The following CRYBG1 variants were observed in gnomAD, a reference collection of about 807,000 sequenced individuals.
The protein encoded by CRYBG1 is crystallin beta-gamma domain containing 1, also known as beta/gamma crystallin domain-containing protein 1.
A neutral mutation model predicts 189.2 loss-of-function variants in CRYBG1; 139 were observed. The ratio of observed to expected loss-of-function variants is 0.73; its 90% CI spans 0.64 to 0.85. The LOEUF is 0.85. CRYBG1 is among the 40% of genes least tolerant of loss of function. CRYBG1 has a pLI of 0.00. For synonymous variants in CRYBG1, 1,023 were observed against 1,017.1 expected (o/e 1.01, Z -0.11); for missense variants, 2,611 against 2,675.8 (o/e 0.98, Z 0.53).
chr6:106,369,820 C>T (rs1769979042), intron 1 of CRYBG1, among the ~76,000 whole-genome samples: 1 of 152,148 alleles, frequency 6.6e-6, no homozygotes, highest in Non-Finnish European at 1.5e-5. Context: ...TAACTTTCCT[C>T]AGAGGTAGGC....
At chr6:106,504,948 T>TA (rs200318829) in intron 2 of CRYBG1, among the ~76,000 whole-genome samples, 7,748 of 145,176 alleles carry the variant, frequency 0.053, 247 homozygotes, top group Middle Eastern at 0.15. Context: ...TGGAAGTTAT[T>TA]AAAAAAAAAA....
At chr6:106,564,507 C>G (rs9386568) in intron 21 of CRYBG1, among the ~76,000 whole-genome samples, 143,619 of 152,250 alleles carry the variant, frequency 0.94, 68,287 homozygotes, top group East Asian at 1. Flanking sequence ...ATAAATTTAG[C>G]GTGGTTGTCC....
At chr6:106,458,859 TC>T (rs775290473) in intron 2 of CRYBG1, among the ~76,000 whole-genome samples, 105 of 152,272 alleles carry the variant, frequency 6.9e-4, no homozygotes, top group Non-Finnish European at 1.1e-3. Context: ...CAGTTCACTG[TC>T]CCCAGAAAAA....
At chr6:106,552,573 ACT>A (rs1244911157) in intron 15 of CRYBG1, among the ~76,000 whole-genome samples, 2 of 109,752 alleles carry the variant, frequency 1.8e-5, no homozygotes, top group African/African-American at 3.8e-5. Flanking sequence ...AGTGACAGAG[ACT>A]CTGTCTCAAA....
rs547081388 is a variant in CRYBG1, at chr6:106,431,077, G to A, written c.174-20617G>A. 2.6e-5 allele frequency among the ~76,000 whole-genome samples: 4 copies of A among 152,148 alleles called. No homozygotes were observed. In the South Asian group the frequency reaches 8.3e-4, roughly 32 times the overall value. ...GGGTTTCACCATGTCAGCCAGGCTG[G>A]TCTCAAACTCCTGACCTCAAGTGAT... On this transcript the variant is annotated intron_variant, in intron 1 of 21. Transcript: ENST00000633556.
At position 106,521,274 on chromosome 6, in the gene CRYBG1, T is replaced by G; in HGVS notation, c.4066T>G (p.Phe1356Val). 2 of 1,613,860 alleles carry G rather than the reference T, an allele frequency of 1.2e-6. No individual in the cohort carries two copies. Among genetic ancestry groups the G allele is most frequent in the Non-Finnish European group, 1.7e-6 (2 of 1,179,968 alleles). ...RSNLHLPETK[F>V]SELSKLKNDD... is the part of the protein sequence containing the mutation. The stretch of plus-strand genomic sequence containing the variant: ...CAACCTACACTTGCCAGAAACTAAA[T>G]TTTCTGAATTGTCAAAACTGAAGAA... The change falls in exon 4 of 22, where the codon TTT becomes GTT. Residue 1356 changes from phenylalanine (F) to valine (V), a missense_variant. By Grantham distance (50) the Phe-to-Val change is conservative. Transcript: ENST00000633556.
intron 13 of CRYBG1, among the ~76,000 whole-genome samples, chr6:106,545,418 G>T (rs940773685): frequency 1.3e-5 from 2 of 152,200 alleles, no homozygotes; most frequent in African/African-American, 4.8e-5. Flanking sequence ...AGTTTTTATT[G>T]AAAGATGTTT....
chr6:106,554,015 A>G (rs1468962191), intron 16 of CRYBG1, among the ~76,000 whole-genome samples: 10 of 152,144 alleles, frequency 6.6e-5, no homozygotes, highest in Non-Finnish European at 2.9e-5. Context: ...GGAGAAGCAA[A>G]GCTGAGCACA....
intron 2 of CRYBG1, among the ~76,000 whole-genome samples, chr6:106,484,557 C>T (rs1177372784): frequency 1.3e-5 from 2 of 152,126 alleles, no homozygotes; most frequent in Admixed American, 6.5e-5. Flanking sequence ...TGGCCTTGAG[C>T]GATCTTCCTG....
intron 2 of CRYBG1, among the ~76,000 whole-genome samples, chr6:106,485,616 G>A (rs921399284): frequency 6.6e-6 from 1 of 152,144 alleles, no homozygotes; most frequent in Non-Finnish European, 1.5e-5. Flanking sequence ...TCAACTGTGG[G>A]TTTGTAATAT....
rs867712379 is a variant in CRYBG1, at chr6:106,520,438, T to C, written c.3230T>C (p.Val1077Ala). 15 of 1,614,152 alleles carry C rather than the reference T, an allele frequency of 9.3e-6. No individual in the cohort carries two copies. The highest frequency in any genetic ancestry group is 1.3e-5 in the Non-Finnish European group (15 of 1,180,022). ...LATPQRPDQT[V>A]TNGQDSPASL... ...ACTCCTCAAAGGCCAGATCAGACTG[T>C]TACAAATGGCCAGGATAGCCCTGCC... Residue 1077 changes from valine to alanine, a missense_variant, in exon 4 of 22, where the codon GTT becomes GCT. By Grantham distance (64) the Val-to-Ala change is moderately conservative. This residue lies in a region of CRYBG1 where 1,622 missense variants were observed against 1,735.0 expected (regional missense o/e 0.93). Transcript: ENST00000633556.
At chr6:106,381,378 G>A (rs1322702242) in intron 1 of CRYBG1, among the ~76,000 whole-genome samples, 1 of 152,058 alleles carries the variant, frequency 6.6e-6, no homozygotes, top group Non-Finnish European at 1.5e-5. Context: ...GTTACCTTAG[G>A]TAAAGCATTT....
At chr6:106,403,943 G>A (rs189613543) in intron 1 of CRYBG1, among the ~76,000 whole-genome samples, 1 of 152,384 alleles carries the variant, frequency 6.6e-6, no homozygotes, top group African/African-American at 2.4e-5. Context: ...ATGAGAGAAT[G>A]TGAAGTGTAG....
intron 8 of CRYBG1, among the ~76,000 whole-genome samples, chr6:106,533,013 C>T (rs1380515186): frequency 6.6e-6 from 1 of 152,202 alleles, no homozygotes; most frequent in Non-Finnish European, 1.5e-5. Context: ...AAAATGATGT[C>T]CCCATTCTCC....
At chr6:106,453,251 G>C (rs1253881128) in intron 2 of CRYBG1, among the ~76,000 whole-genome samples, 1 of 152,112 alleles carries the variant, frequency 6.6e-6, no homozygotes, top group Non-Finnish European at 1.5e-5. Flanking sequence ...GACATGAAGA[G>C]ATTATTAGCT....
intron 1 of CRYBG1, among the ~76,000 whole-genome samples, chr6:106,372,747 A>G (rs1413327125): frequency 1.3e-5 from 2 of 152,216 alleles, no homozygotes; most frequent in African/African-American, 4.8e-5. Flanking sequence ...TCAATTGTGT[A>G]TAAGACAAGG....
intron 2 of CRYBG1, among the ~76,000 whole-genome samples, chr6:106,460,755 C>T (rs926814251): frequency 6.6e-6 from 1 of 152,124 alleles, no homozygotes; most frequent in South Asian, 2.1e-4. Context: ...CAGTTCTGCT[C>T]CTGCGACTTT....
intron 2 of CRYBG1, 57 bp from the exon 3 acceptor site, chr6:106,511,373 T>TA (rs1180484559): frequency 7.0e-7 from 1 of 1,423,800 alleles, no homozygotes; most frequent in African/African-American, 1.4e-5. Flanking sequence ...AATGTACGTC[T>TA]AAGGGGAAAA....
At chr6:106,481,458 A>G (rs566205891) in intron 2 of CRYBG1, among the ~76,000 whole-genome samples, 1 of 152,212 alleles carries the variant, frequency 6.6e-6, no homozygotes, top group East Asian at 1.9e-4. Flanking sequence ...ATGGTGACTG[A>G]GGTCTCAGCC....
Sources: gnomAD v4.1 joint callset for allele counts (sites outside exome capture counted in the v4.1 genomes callset) on GRCh38, gnomAD v4.1.1 for gene constraint, gnomAD v4.1.1 regional missense constraint, MANE v1.5 for transcripts, NCBI Gene and HGNC (gene_info 2026-07-23, HGNC 2026-07-21) for gene names.